Variants in RTN1 observed in about 807,000 individuals in gnomAD.
RTN1 encodes reticulon-1.
A neutral mutation model predicts 65.5 loss-of-function variants in RTN1; 25 were observed. That is an observed-to-expected ratio of 0.38 (90% CI 0.28 to 0.53). The LOEUF (loss-of-function observed/expected upper bound fraction) is 0.53, where lower values mean the gene tolerates loss of function less well. Ranked by LOEUF, RTN1 falls within the 20% of genes least tolerant of loss-of-function variation. The pLI is 0.79. For synonymous variants in RTN1, 471 were observed against 447.6 expected (o/e 1.05, Z -0.66); for missense variants, 983 against 1,025.4 (o/e 0.96, Z 0.57).
chr14:59,640,322 T>A (rs1882750361), intron 3 of RTN1, among the ~76,000 whole-genome samples: 1 of 152,150 alleles, frequency 6.6e-6, no homozygotes, highest in Admixed American at 6.5e-5. Flanking sequence ...AATTAATTTA[T>A]TTATTTATTT....
In RTN1 at chr14:59,745,814, C is replaced by T. The variant is rs751066719; in HGVS notation, c.909G>A (p.Lys303=). 1 of 1,614,040 alleles carries T rather than the reference C, an allele frequency of 6.2e-7. No homozygotes were observed. The highest frequency in any genetic ancestry group is 8.5e-7 in the Non-Finnish European group (1 of 1,180,012). Residue 303 remains lysine (K), a synonymous_variant, in exon 2 of 9, where the codon AAG becomes AAA. Coordinates refer to ENST00000267484, the MANE Select transcript of RTN1 (RefSeq NM_021136.3). ...GACTTGGCTTTAGACATATATCTTG[C>T]TTCTCAGGGGTCTTCTCTTGGGTAG... ...ETTTQEKTPE[K]QDICLKPSPD... is the part of the protein sequence containing the mutation.
At chr14:59,648,904 C>T (rs1318954728) in intron 3 of RTN1, among the ~76,000 whole-genome samples, 1 of 152,146 alleles carries the variant, frequency 6.6e-6, no homozygotes, top group East Asian at 1.9e-4. Context: ...TCTCACCACC[C>T]CTATTCAACA....
intron 3 of RTN1, among the ~76,000 whole-genome samples, chr14:59,654,787 A>G (rs1428097286): frequency 6.6e-6 from 1 of 152,200 alleles, no homozygotes; most frequent in Non-Finnish European, 1.5e-5. Flanking sequence ...ACAGTATTAA[A>G]CACTAAGAAC....
At chr14:59,733,239 G>A (rs1424217044) in intron 2 of RTN1, among the ~76,000 whole-genome samples, 1 of 152,012 alleles carries the variant, frequency 6.6e-6, no homozygotes, top group Non-Finnish European at 1.5e-5. Context: ...TTACAGGGGT[G>A]CCCTTACCAC....
intron 1 of RTN1, among the ~76,000 whole-genome samples, chr14:59,832,567 T>A (rs372449359): frequency 1.3e-5 from 2 of 152,244 alleles, no homozygotes; most frequent in African/African-American, 2.4e-5. Flanking sequence ...AAAGCCAACA[T>A]CTTTCTAAAG....
intron 4 of RTN1, among the ~76,000 whole-genome samples, chr14:59,606,655 G>C (rs1881763896): frequency 6.6e-6 from 1 of 152,192 alleles, no homozygotes; most frequent in South Asian, 2.1e-4. Context: ...GCAGCTGGCA[G>C]TGCTAACACC....
At chr14:59,856,994 T>C (rs535507690) in intron 1 of RTN1, among the ~76,000 whole-genome samples, 31 of 152,330 alleles carry the variant, frequency 2.0e-4, no homozygotes, top group South Asian at 8.3e-4. Context: ...CACATTGACA[T>C]GATATTAGGT....
chr14:59,838,911 G>A (rs1287256961), intron 1 of RTN1, among the ~76,000 whole-genome samples: 2 of 152,062 alleles, frequency 1.3e-5, no homozygotes, highest in African/African-American at 4.8e-5. Context: ...GTCTCTTCTT[G>A]TTTTAAATAT....
chr14:59,704,898 G>A (rs1884258427), intron 3 of RTN1, among the ~76,000 whole-genome samples: 1 of 152,068 alleles, frequency 6.6e-6, no homozygotes, highest in Non-Finnish European at 1.5e-5. Context: ...GGGAGAAATG[G>A]GTAATCAGAG....
At chr14:59,844,499 C>A (rs1285127933) in intron 1 of RTN1, among the ~76,000 whole-genome samples, 1 of 152,160 alleles carries the variant, frequency 6.6e-6, no homozygotes, top group Admixed American at 6.5e-5. Flanking sequence ...CTTTATTATT[C>A]CCTTTTGCTT....
chr14:59,852,247 A>T (rs1887522658), intron 1 of RTN1, among the ~76,000 whole-genome samples: 1 of 152,234 alleles, frequency 6.6e-6, no homozygotes, highest in Non-Finnish European at 1.5e-5. Flanking sequence ...CTGCATTTGC[A>T]TGAGAAGCAC....
chr14:59,750,219 T>TTATAGATATAATATATTATATA (rs1885441319), intron 1 of RTN1, among the ~76,000 whole-genome samples: 1 of 48,586 alleles, frequency 2.1e-5, no homozygotes, highest in African/African-American at 1.0e-4. Context: ...AATATATATA[T>TTATAGATATAATATATTATATA]TATATCTATA....
At chr14:59,823,093 T>G (rs1219246804) in intron 1 of RTN1, among the ~76,000 whole-genome samples, 2 of 152,166 alleles carry the variant, frequency 1.3e-5, no homozygotes, top group African/African-American at 2.4e-5. Context: ...CTAACACTGT[T>G]GTCACTGGAG....
At chr14:59,860,632 A>G (rs555510494) in intron 1 of RTN1, among the ~76,000 whole-genome samples, 2 of 152,308 alleles carry the variant, frequency 1.3e-5, no homozygotes, top group East Asian at 3.9e-4. Flanking sequence ...ACAGGCACTC[A>G]ATGCCAGCCT....
At chr14:59,840,980 T>C (rs959952522) in intron 1 of RTN1, among the ~76,000 whole-genome samples, 3 of 152,218 alleles carry the variant, frequency 2.0e-5, no homozygotes, top group African/African-American at 7.2e-5. Context: ...ATTCTTCAAG[T>C]GGCATCTTTG....
intron 1 of RTN1, among the ~76,000 whole-genome samples, chr14:59,858,979 G>A (rs1887658107): frequency 6.6e-6 from 1 of 152,114 alleles, no homozygotes; most frequent in East Asian, 1.9e-4. Context: ...TAGTTCTTAA[G>A]AAGCAAATAT....
At chr14:59,787,454 G>A (rs993811465) in intron 1 of RTN1, among the ~76,000 whole-genome samples, 3 of 152,222 alleles carry the variant, frequency 2.0e-5, no homozygotes, top group Admixed American at 2.0e-4. Flanking sequence ...GCTTCACACA[G>A]TGTTCTCTCC....
At chr14:59,747,752 C>T (rs74058774) in intron 1 of RTN1, among the ~76,000 whole-genome samples, 1,965 of 152,272 alleles carry the variant, frequency 0.013, 43 homozygotes, top group African/African-American at 0.044. Context: ...GATTTTTAAT[C>T]TAATTTTTAC....
chr14:59,640,476 A>G (rs1882753944), intron 3 of RTN1, among the ~76,000 whole-genome samples: 1 of 151,958 alleles, frequency 6.6e-6, no homozygotes, highest in African/African-American at 2.4e-5. Flanking sequence ...ACTACCACGC[A>G]CAGCTGATTT....
Sources: gnomAD v4.1 joint callset for allele counts (sites outside exome capture counted in the v4.1 genomes callset) on GRCh38, gnomAD v4.1.1 for gene constraint, MANE v1.5 for transcripts, NCBI Gene and HGNC (gene_info 2026-07-23, HGNC 2026-07-21) for gene names.